Variants in XYLT1 observed in about 807,000 individuals in gnomAD.
XYLT1 encodes the protein xylosyltransferase 1, also known as beta-D-xylosyltransferase 1.
Under a neutral mutation model 91.3 loss-of-function variants are expected in XYLT1, and 36 were observed. The ratio of observed to expected loss-of-function variants is 0.39; its 90% confidence interval spans 0.30 to 0.52. The LOEUF is 0.52. Among genes scored for constraint, XYLT1 ranks in the 20% least tolerant of loss-of-function variants. The pLI is 0.68. For missense variants in XYLT1, 1,242 were observed against 1,284.5 expected, an observed-to-expected ratio of 0.97 and a Z score of 0.51; for synonymous variants, 588 against 532.0, an observed-to-expected ratio of 1.11 and a Z score of -1.45.
At chr16:17,294,847 G>A (rs1276187122) in intron 2 of XYLT1, among the ~76,000 whole-genome samples, 1 of 152,148 alleles carries the variant, frequency 6.6e-6, no homozygotes, top group East Asian at 1.9e-4. Context: ...AGTGCATGGT[G>A]TAGGTATACA....
rs1966797629 is a variant in XYLT1 at position 17,107,757 on chromosome 16, C to T, written c.*938G>A. The T allele has an allele frequency of 6.6e-6, 1 of 152,480 alleles. No homozygotes were observed. The highest frequency in any genetic ancestry group is 2.4e-5 in the African/African-American group (1 of 41,290). The allele number at this position is 152,480 out of a possible 1,614,324, so 9.4% of individuals were successfully genotyped here. A position where few individuals can be genotyped will look rare whatever the true frequency, so the allele number is the denominator to read the frequency against. On this transcript the variant is annotated 3_prime_UTR_variant, in exon 12 of 12. Coordinates refer to ENST00000261381, the MANE Select transcript of XYLT1 (RefSeq NM_022166.4). ...TGCTTTGTGAGTTTCATCGCGTTGCCTTGTGAGTTTCATGGTCATGGCTGT... is the reference window on the plus strand; with the variant it reads ...TGCTTTGTGAGTTTCATCGCGTTGCTTTGTGAGTTTCATGGTCATGGCTGT...
intron 2 of XYLT1, among the ~76,000 whole-genome samples, 165 bp from the exon 3 acceptor site, chr16:17,259,663 C>T (rs2033693527): frequency 6.6e-6 from 1 of 152,150 alleles, no homozygotes; most frequent in Admixed American, 6.5e-5. Flanking sequence ...CTCTCTGGAC[C>T]TCAGTTTCCC....
At chr16:17,113,159 G>C (rs1274482003) in intron 11 of XYLT1, among the ~76,000 whole-genome samples, 1 of 144,430 alleles carries the variant, frequency 6.9e-6, no homozygotes, top group Admixed American at 7.1e-5. Flanking sequence ...TTGTTTTGGA[G>C]ATGATAGAGT....
intron 1 of XYLT1, among the ~76,000 whole-genome samples, chr16:17,466,114 T>C (rs1255610237): frequency 6.6e-6 from 1 of 152,228 alleles, no homozygotes; most frequent in Non-Finnish European, 1.5e-5. Flanking sequence ...GTTTGTTTTT[T>C]AGTTATTTTT....
chr16:17,239,819 T>C (rs1188647820), intron 3 of XYLT1, among the ~76,000 whole-genome samples: 1 of 152,182 alleles, frequency 6.6e-6, no homozygotes, highest in African/African-American at 2.4e-5. Flanking sequence ...CATCCTTTCA[T>C]CTGTCTGTCC....
intron 2 of XYLT1, among the ~76,000 whole-genome samples, chr16:17,308,465 T>C (rs2034498778): frequency 6.6e-6 from 1 of 152,178 alleles, no homozygotes; most frequent in African/African-American, 2.4e-5. Flanking sequence ...ACCTTTCCTC[T>C]CCTCACCCAG....
chr16:17,230,391 C>T (rs2033140162), intron 3 of XYLT1, among the ~76,000 whole-genome samples: 1 of 152,184 alleles, frequency 6.6e-6, no homozygotes. Context: ...TGCTGGCCTC[C>T]ATCCTTCCTG....
At chr16:17,357,410 G>A (rs2035317564) in intron 2 of XYLT1, among the ~76,000 whole-genome samples, 1 of 152,012 alleles carries the variant, frequency 6.6e-6, no homozygotes, top group Non-Finnish European at 1.5e-5. Context: ...GAACTCCAAG[G>A]CCTATACTCA....
At position 17,462,422 on chromosome 16, in the gene XYLT1, C is replaced by T. The variant is rs116283115; in HGVS notation, c.363+8012G>A. On this transcript the variant is annotated intron_variant, in intron 1 of 11. Coordinates refer to ENST00000261381, the MANE Select transcript of XYLT1 (RefSeq NM_022166.4). ...TGACACCCCACCCCACACCCATCTT[C>T]TTTGTGATGCCTCTGGCTTCCAATC... 1.5e-3 allele frequency among the ~76,000 whole-genome samples: 233 copies of T among 152,338 alleles called. 1 individual carries two copies. The highest frequency in any genetic ancestry group is 4.9e-3 in the African/African-American group (202 of 41,578).
chr16:17,236,376 G>A (rs1292810719), intron 3 of XYLT1, among the ~76,000 whole-genome samples: 4 of 151,620 alleles, frequency 2.6e-5, no homozygotes, highest in Admixed American at 2.6e-4. Flanking sequence ...AAAGACACAT[G>A]GACTTTTTGT....
intron 4 of XYLT1, among the ~76,000 whole-genome samples, chr16:17,198,896 C>T (rs2032482224): frequency 6.6e-6 from 1 of 152,100 alleles, no homozygotes; most frequent in Admixed American, 6.5e-5. Context: ...AAGTATGCGC[C>T]ACCACGCCCA....
chr16:17,446,925 G>A (rs537795510), intron 1 of XYLT1, among the ~76,000 whole-genome samples: 1 of 152,122 alleles, frequency 6.6e-6, no homozygotes, highest in South Asian at 2.1e-4. Flanking sequence ...ACCCAGGGGA[G>A]CCCAAGAGGG....
At chr16:17,237,897 A>G (rs576090518) in intron 3 of XYLT1, among the ~76,000 whole-genome samples, 27 of 152,344 alleles carry the variant, frequency 1.8e-4, no homozygotes, top group African/African-American at 6.5e-4. Flanking sequence ...AAAATGGTCC[A>G]GGCGTAAGGC....
intron 5 of XYLT1, among the ~76,000 whole-genome samples, chr16:17,166,891 A>T (rs973260767): frequency 6.6e-6 from 1 of 152,010 alleles, no homozygotes; most frequent in African/African-American, 2.4e-5. Flanking sequence ...TCTTTGCCCA[A>T]TGAACTGGGG....
rs183527165 is a variant in XYLT1, at chr16:17,135,829, C to T, written c.1765-1094G>A. On this transcript the variant is annotated intron_variant, in intron 8 of 11. Transcript: ENST00000261381. ...AAAATAGCTTTGAAACCTTCAGCTTCGCTTTTATAGCATAAAAGCAGCCAC... is the reference window on the plus strand; with the variant it reads ...AAAATAGCTTTGAAACCTTCAGCTTTGCTTTTATAGCATAAAAGCAGCCAC... 1.6e-4 allele frequency among the ~76,000 whole-genome samples: 25 copies of T among 152,326 alleles called. No homozygotes were observed. In the East Asian group the frequency reaches 3.1e-3, roughly 19 times the overall value.
chr16:17,410,289 G>C (rs1346039805), intron 1 of XYLT1, among the ~76,000 whole-genome samples: 2 of 152,184 alleles, frequency 1.3e-5, no homozygotes, highest in Non-Finnish European at 2.9e-5. Flanking sequence ...GTAATAGTTT[G>C]TTTTCACGTT....
chr16:17,313,809 G>C (rs1481170434), intron 2 of XYLT1, among the ~76,000 whole-genome samples: 11 of 152,148 alleles, frequency 7.2e-5, no homozygotes, highest in Non-Finnish European at 1.6e-4. Flanking sequence ...CCAAGACTCA[G>C]TATCCTCAGC....
At chr16:17,398,032 A>G (rs1275364192) in intron 1 of XYLT1, among the ~76,000 whole-genome samples, 1 of 152,056 alleles carries the variant, frequency 6.6e-6, no homozygotes, top group Non-Finnish European at 1.5e-5. Flanking sequence ...CGTGTTGGTC[A>G]GGCTGGCTCA....
Position 17,356,898 on chromosome 16 carries a change from C to T in XYLT1, c.402+1114G>A, listed in dbSNP as rs527955297. Among the ~76,000 whole-genome samples, 264 of 152,122 alleles carry T rather than the reference C, an allele frequency of 1.7e-3. 3 individuals carry two copies. Among genetic ancestry groups the T allele is most frequent in the African/African-American group, 6.2e-3 (258 of 41,508 alleles). The stretch of plus-strand genomic sequence containing the variant: ...ATTGGTTTAAAAAGCTGCCACTTGC[C>T]GGACGCAGTGGCTCATGCCTGTAAT... On this transcript the variant is annotated intron_variant, in intron 2 of 11. Coordinates refer to ENST00000261381, the MANE Select transcript of XYLT1 (RefSeq NM_022166.4).
Sources: allele counts gnomAD v4.1 joint callset (sites outside exome capture counted in the v4.1 genomes callset), GRCh38; gene constraint gnomAD v4.1.1; transcripts MANE v1.5; gene names NCBI Gene and HGNC (gene_info 2026-07-23, HGNC 2026-07-21).